CTPS2: variants seen among roughly 807,000 people sequenced by gnomAD.
CTPS2 encodes CTP synthase 2.
Under a neutral mutation model 46.8 loss-of-function variants are expected in CTPS2, and 19 were observed. The ratio of observed to expected loss-of-function variants is 0.41; its 90% CI spans 0.28 to 0.60. The LOEUF is 0.60. Among genes scored for constraint, CTPS2 ranks in the 20% least tolerant of loss-of-function variants. The probability of loss-of-function intolerance (pLI) is 0.35; values close to 1 mark genes in which losing one functional copy is unlikely to be tolerated. For synonymous variants in CTPS2, 151 were observed against 165.2 expected (o/e 0.91, Z 0.66); for missense variants, 286 against 447.6 (o/e 0.64, Z 3.26).
At chrX:16,684,509 C>CAAAA (rs1334791360) in intron 8 of CTPS2, among the ~76,000 whole-genome samples, 1 of 70,065 alleles carries the variant, frequency 1.4e-5, no homozygotes, top group African/African-American at 5.1e-5. Flanking sequence ...ACTCTGTCTC[C>CAAAA]AAAAAAAAAA....
chrX:16,677,601 G>A (rs747639165), intron 10 of CTPS2, among the ~76,000 whole-genome samples: 2 of 111,912 alleles, frequency 1.8e-5, no homozygotes, highest in East Asian at 2.8e-4. Flanking sequence ...AGACCTACTG[G>A]ACTGCATTCC....
chrX:16,686,562 A>C (rs1923223102), intron 8 of CTPS2, among the ~76,000 whole-genome samples: 1 of 112,162 alleles, frequency 8.9e-6, no homozygotes, highest in African/African-American at 3.2e-5. Flanking sequence ...TTACAAAAGA[A>C]GAGAAGGGAA....
chrX:16,709,888 A>G (rs774562475), intron 1 of CTPS2, among the ~76,000 whole-genome samples: 2 of 103,978 alleles, frequency 1.9e-5, no homozygotes, highest in Admixed American at 2.1e-4. Context: ...TTTCTATCTT[A>G]ATTTGGTCAA....
intron 8 of CTPS2, among the ~76,000 whole-genome samples, chrX:16,687,615 T>A (rs1236211160): frequency 3.6e-5 from 4 of 111,741 alleles, no homozygotes; most frequent in Non-Finnish European, 5.6e-5. Context: ...CCAAGCTACT[T>A]AGAAAATTCC....
chrX:16,596,175 A>G (rs1014755763), intron 17 of CTPS2, among the ~76,000 whole-genome samples: 1 of 103,075 alleles, frequency 9.7e-6, no homozygotes, highest in Non-Finnish European at 2.0e-5. Context: ...TGCCTCGCCA[A>G]AAGTTTTTTT....
intron 9 of CTPS2, among the ~76,000 whole-genome samples, chrX:16,682,108 T>C (rs892202322): frequency 1.8e-5 from 2 of 112,240 alleles, no homozygotes; most frequent in Non-Finnish European, 3.8e-5. Context: ...ACGACGTACT[T>C]AAACGAGCAT....
At chrX:16,595,750 A>G (rs1929206366) in intron 17 of CTPS2, among the ~76,000 whole-genome samples, 1 of 112,697 alleles carries the variant, frequency 8.9e-6, no homozygotes, top group Non-Finnish European at 1.9e-5. Context: ...GGTAGTGCAG[A>G]TTATAGAACA....
At position 16,708,884 on chromosome X, in the gene CTPS2, G is replaced by A. The variant is rs756103451; in HGVS notation, c.-40+3451C>T. On this transcript the variant is annotated intron_variant, in intron 1 of 18. Transcript: ENST00000359276. ...GCTTCTTTGGGAGGCTGAGGCAGGC[G>A]GATCACCTGAGGTCAGGAGTTCGAG... is the stretch of plus-strand genomic sequence containing the variant. 2.3e-4 allele frequency among the ~76,000 whole-genome samples: 26 copies of A among 111,704 alleles called. 1 individual carries two copies. The highest frequency in any genetic ancestry group is 7.5e-4 in the African/African-American group (23 of 30,854).
At chrX:16,621,994 T>C (rs912406891) in intron 14 of CTPS2, among the ~76,000 whole-genome samples, 2 of 111,224 alleles carry the variant, frequency 1.8e-5, no homozygotes, top group African/African-American at 3.3e-5. Flanking sequence ...TTTGAGAGAA[T>C]GCGAACATAC....
intron 13 of CTPS2, among the ~76,000 whole-genome samples, chrX:16,666,200 C>G (rs1234882022): frequency 2.7e-5 from 3 of 112,224 alleles, no homozygotes; most frequent in Non-Finnish European, 5.6e-5. Flanking sequence ...GCATGGGTGG[C>G]TGGCAAACAG....
intron 14 of CTPS2, among the ~76,000 whole-genome samples, chrX:16,628,092 T>G (rs992991219): frequency 6.3e-5 from 7 of 111,797 alleles, no homozygotes; most frequent in Non-Finnish European, 1.1e-4. Flanking sequence ...AGCACCGAGT[T>G]GCAGCCAGCC....
intron 13 of CTPS2, among the ~76,000 whole-genome samples, chrX:16,643,176 A>C (rs1932160362): frequency 8.9e-6 from 1 of 111,813 alleles, no homozygotes; most frequent in Non-Finnish European, 1.9e-5. Context: ...TTAAACAACA[A>C]AGTCTACAGG....
intron 17 of CTPS2, among the ~76,000 whole-genome samples, chrX:16,593,021 C>T (rs1053961814): frequency 1.8e-5 from 2 of 111,521 alleles, no homozygotes; most frequent in African/African-American, 6.5e-5. Flanking sequence ...AATCAGCACA[C>T]TGATCTACTC....
chrX:16,697,127 G>C (rs1317776353), intron 4 of CTPS2, among the ~76,000 whole-genome samples: 1 of 111,040 alleles, frequency 9.0e-6, no homozygotes, highest in Non-Finnish European at 1.9e-5. Context: ...GGCACAGAGA[G>C]GTTGAGCAAA....
At chrX:16,650,601 C>T (rs1198681392) in intron 13 of CTPS2, among the ~76,000 whole-genome samples, 2 of 104,478 alleles carry the variant, frequency 1.9e-5, no homozygotes, top group African/African-American at 7.1e-5. Flanking sequence ...CAACCTCCGC[C>T]TCCCGGGTTC....
intron 13 of CTPS2, among the ~76,000 whole-genome samples, chrX:16,641,477 G>A (rs2147246151): frequency 8.9e-6 from 1 of 112,894 alleles, no homozygotes; most frequent in Non-Finnish European, 1.9e-5. Context: ...GCCAGGTGCA[G>A]TGGCTCACGC....
intron 18 of CTPS2, among the ~76,000 whole-genome samples, chrX:16,590,459 A>G (rs1012428458): frequency 6.2e-5 from 7 of 112,040 alleles, no homozygotes; most frequent in Non-Finnish European, 9.4e-5. Flanking sequence ...GACCTTACAG[A>G]AAGTCTGTCA....
At chrX:16,632,282 ATTAAAAACT>A in intron 14 of CTPS2, among the ~76,000 whole-genome samples, 1 of 112,204 alleles carries the variant, frequency 8.9e-6, no homozygotes, top group Middle Eastern at 4.7e-3. Flanking sequence ...ATTTTTTAAA[ATTAAAAACT>A]TTTTTAAAAG....
In CTPS2 at chrX:16,588,184, G is replaced by A. The variant is rs910079293; in HGVS notation, c.*1633C>T. Reference sequence around the variant, plus strand: ...CCAAAAGACTTCCCAGACAAAGCACGCGAAGGGTAGAGGATATAGGTTAGC... The same window carrying A: ...CCAAAAGACTTCCCAGACAAAGCACACGAAGGGTAGAGGATATAGGTTAGC... On this transcript the variant is annotated 3_prime_UTR_variant, in exon 19 of 19. Transcript: ENST00000359276. 9.0e-6 allele frequency: 1 copy of A among 111,706 alleles called. No homozygotes were observed. The highest frequency in any genetic ancestry group is 1.9e-5 in the Non-Finnish European group (1 of 53,242). 9.2% of individuals were successfully genotyped at this position (111,706 alleles called of 1,213,427 possible).
Sources: gnomAD v4.1 joint callset for allele counts (sites outside exome capture counted in the v4.1 genomes callset) on GRCh38, gnomAD v4.1.1 for gene constraint, MANE v1.5 for transcripts, NCBI Gene and HGNC (gene_info 2026-07-23, HGNC 2026-07-21) for gene names.